Variants in STPG2 observed in about 807,000 individuals in gnomAD.
STPG2 encodes sperm-tail PG-rich repeat-containing protein 2.
Under a neutral mutation model 54.2 loss-of-function variants are expected in STPG2, and 56 were observed. The observed-to-expected ratio is 1.03, with a 90% CI of 0.83 to 1.29. STPG2 has a LOEUF of 1.29. STPG2 is among the 50% of genes most tolerant of loss of function. The probability of loss-of-function intolerance (pLI) is 0.00; values close to 1 mark genes in which losing one functional copy is unlikely to be tolerated. For missense variants in STPG2, 596 were observed against 544.9 expected (o/e 1.09, Z -0.93); for synonymous variants, 200 against 181.8 (o/e 1.10, Z -0.81).
At chr4:98,135,146 G>A (rs991360274) in intron 1 of STPG2, among the ~76,000 whole-genome samples, 1 of 151,858 alleles carries the variant, frequency 6.6e-6, no homozygotes. Flanking sequence ...AGAGAATAGA[G>A]CAGCAGCTAT....
intron 4 of STPG2, among the ~76,000 whole-genome samples, chr4:97,529,324 G>T (rs1245409585): frequency 6.6e-6 from 1 of 152,132 alleles, no homozygotes; most frequent in Non-Finnish European, 1.5e-5. Flanking sequence ...GCATCCCAGG[G>T]ATGAAGCTGA....
chr4:97,863,585 C>T (rs1261145727), intron 8 of STPG2, among the ~76,000 whole-genome samples: 2 of 152,194 alleles, frequency 1.3e-5, no homozygotes, highest in East Asian at 3.8e-4. Flanking sequence ...GGAATCCTCC[C>T]TAACTCATTT....
chr4:98,078,571 T>A lies in STPG2; in HGVS notation c.612+27382A>T, dbSNP rs564954871. The stretch of plus-strand genomic sequence containing the variant: ...AATGAACAAAGCCTTGCAATAGATT[T>A]AAAAAAAAAAAAGAAAAGAAAAAGG... On this transcript the variant is annotated intron_variant, in intron 5 of 10. Transcript: ENST00000295268. 7.8e-4 allele frequency among the ~76,000 whole-genome samples: 110 copies of A among 140,654 alleles called. 1 individual carries two copies. Among genetic ancestry groups the A allele is most frequent in the Admixed American group, 6.1e-3 (85 of 14,012 alleles). The allele number at this position is 140,654 out of a possible 152,430, so 92.3% of individuals were successfully genotyped here. A position where few individuals can be genotyped will look rare whatever the true frequency, so the allele number is the denominator to read the frequency against.
intron 4 of STPG2, among the ~76,000 whole-genome samples, chr4:97,516,722 G>A (rs374107963): frequency 2.6e-5 from 4 of 151,424 alleles, no homozygotes; most frequent in Admixed American, 6.6e-5. Context: ...CAGTTACTCC[G>A]GAGGCTAAGG....
chr4:97,788,209 C>T (rs545384660), intron 9 of STPG2, among the ~76,000 whole-genome samples: 6 of 152,158 alleles, frequency 3.9e-5, no homozygotes, highest in African/African-American at 9.6e-5. Context: ...TAACCATCCC[C>T]GCTTCCCCTA....
At chr4:97,515,607 A>G (rs1211445736) in intron 4 of STPG2, among the ~76,000 whole-genome samples, 1 of 152,124 alleles carries the variant, frequency 6.6e-6, no homozygotes, top group East Asian at 1.9e-4. Flanking sequence ...AAAATATTGT[A>G]AAGTTAGAAT....
intron 9 of STPG2, among the ~76,000 whole-genome samples, chr4:97,824,477 G>T (rs1728190724): frequency 6.6e-6 from 1 of 152,138 alleles, no homozygotes; most frequent in Admixed American, 6.6e-5. Flanking sequence ...GTTGTATTTT[G>T]TGCTATGAAT....
intron 4 of STPG2, among the ~76,000 whole-genome samples, chr4:97,515,983 A>G (rs1731068324): frequency 6.6e-6 from 1 of 152,152 alleles, no homozygotes; most frequent in South Asian, 2.1e-4. Context: ...TTAACACTTA[A>G]TGCAAACAGA....
chr4:97,932,144 G>A (rs1261103275), intron 8 of STPG2, among the ~76,000 whole-genome samples: 1 of 151,972 alleles, frequency 6.6e-6, no homozygotes, highest in South Asian at 2.1e-4. Context: ...TGCTTCATAA[G>A]TCTAGCTAGT....
chr4:97,731,520 G>A (rs1022195590), intron 9 of STPG2, among the ~76,000 whole-genome samples: 1 of 152,172 alleles, frequency 6.6e-6, no homozygotes, highest in African/African-American at 2.4e-5. Flanking sequence ...TGAAGCCTAG[G>A]AAGCTCATGC....
At chr4:97,831,855 T>A (rs891443719) in intron 9 of STPG2, among the ~76,000 whole-genome samples, 1 of 152,048 alleles carries the variant, frequency 6.6e-6, no homozygotes, top group Non-Finnish European at 1.5e-5. Flanking sequence ...CAATAACAAG[T>A]TCTGAAATTG....
chr4:97,864,937 T>C (rs1217575300), intron 8 of STPG2, among the ~76,000 whole-genome samples: 4 of 152,038 alleles, frequency 2.6e-5, no homozygotes, highest in African/African-American at 9.7e-5. Context: ...ATACAAAAAT[T>C]CATTCAAGAT....
chr4:98,077,951 T>C (rs147781873), intron 5 of STPG2, among the ~76,000 whole-genome samples: 21 of 152,266 alleles, frequency 1.4e-4, no homozygotes, highest in South Asian at 4.1e-4. Flanking sequence ...CCTGGATAAA[T>C]TGAATGTCAA....
At chr4:98,067,524 A>C (rs1240068114) in intron 5 of STPG2, among the ~76,000 whole-genome samples, 1 of 152,198 alleles carries the variant, frequency 6.6e-6, no homozygotes, top group Non-Finnish European at 1.5e-5. Context: ...AAATAAGTTA[A>C]TGTCTTAACA....
At chr4:97,754,651 C>G (rs1725676413) in intron 9 of STPG2, among the ~76,000 whole-genome samples, 1 of 152,086 alleles carries the variant, frequency 6.6e-6, no homozygotes, top group South Asian at 2.1e-4. Flanking sequence ...TCTGTCTGGT[C>G]TATGTAGATG....
chr4:97,601,383 C>G (rs923881294), intron 10 of STPG2, among the ~76,000 whole-genome samples: 1 of 151,966 alleles, frequency 6.6e-6, no homozygotes, highest in African/African-American at 2.4e-5. Context: ...AGTATAGATT[C>G]TACATATTCT....
At chr4:97,816,422 T>C (rs1727912612) in intron 9 of STPG2, among the ~76,000 whole-genome samples, 1 of 152,138 alleles carries the variant, frequency 6.6e-6, no homozygotes, top group Admixed American at 6.5e-5. Flanking sequence ...GGTCAAATGG[T>C]ATTTCTGGAT....
At chr4:97,628,944 C>G (rs141816486) in intron 10 of STPG2, among the ~76,000 whole-genome samples, 1,721 of 152,020 alleles carry the variant, frequency 0.011, 16 homozygotes, top group Non-Finnish European at 0.019. Context: ...AAGGAAATGT[C>G]TTATTTAAGC....
intron 4 of STPG2, among the ~76,000 whole-genome samples, chr4:97,533,838 G>A (rs1051437283): frequency 6.6e-6 from 1 of 152,038 alleles, no homozygotes; most frequent in Non-Finnish European, 1.5e-5. Flanking sequence ...ACAAAACAGT[G>A]TGAAAATCTG....
Sources: gnomAD v4.1 joint callset for allele counts (sites outside exome capture counted in the v4.1 genomes callset) on GRCh38, gnomAD v4.1.1 for gene constraint, MANE v1.5 for transcripts, NCBI Gene and HGNC (gene_info 2026-07-23, HGNC 2026-07-21) for gene names.